The following CCDC13 variants were observed in gnomAD, a reference collection of about 807,000 sequenced individuals.
CCDC13 encodes coiled-coil domain containing 13, also known as coiled-coil domain-containing protein 13.
A neutral mutation model predicts 87.3 loss-of-function variants in CCDC13; 70 were observed. The ratio of observed to expected loss-of-function variants is 0.80; its 90% CI spans 0.66 to 0.98. CCDC13 has a LOEUF of 0.98. CCDC13 is among the 50% of genes least tolerant of loss of function. The pLI is 0.00. For synonymous variants in CCDC13, 317 were observed against 360.3 expected, an observed-to-expected ratio of 0.88 and a Z score of 1.36; for missense variants, 842 against 892.0, an observed-to-expected ratio of 0.94 and a Z score of 0.71.
At chr3:42,725,121 G>A (rs1325518792) in intron 13 of CCDC13, among the ~76,000 whole-genome samples, 1 of 152,122 alleles carries the variant, frequency 6.6e-6, no homozygotes, top group Non-Finnish European at 1.5e-5. Context: ...AAAACAAGGA[G>A]ATATTAGCAT....
intron 12 of CCDC13, among the ~76,000 whole-genome samples, chr3:42,732,233 C>T (rs114519401): frequency 6.6e-6 from 1 of 152,164 alleles, no homozygotes; most frequent in Non-Finnish European, 1.5e-5. Context: ...TGCTGTCCCC[C>T]ACTTTTCGGG....
At chr3:42,757,291 G>C in intron 2 of CCDC13, 77 bp from the exon 3 acceptor site, 1 of 1,403,846 alleles carries the variant, frequency 7.1e-7, no homozygotes, top group East Asian at 2.3e-5. Context: ...CCACTGCCTA[G>C]GTGGACAGAT....
chr3:42,738,233 T>C (rs1159249577), intron 9 of CCDC13, among the ~76,000 whole-genome samples: 3 of 152,188 alleles, frequency 2.0e-5, no homozygotes, highest in Admixed American at 2.0e-4. Flanking sequence ...ATGTGTGGTG[T>C]TATTTCTGAG....
rs1321173073 is a variant in CCDC13 at position 42,742,959 on chromosome 3, C to T, written c.924G>A (p.Ser308=). The T allele has an allele frequency of 6.8e-6, 11 of 1,614,002 alleles. No homozygotes were observed. Among genetic ancestry groups the T allele is most frequent in the African/African-American group, 4.0e-5 (3 of 74,920 alleles). ...TCCTCAGCAGGTTTTTCTCCTGTGC[C>T]GACAGCTTCCTTGGGTCTGGATAGA... The part of the protein sequence containing the change: ...LSVYPDPRKL[S]AQEKNLLRIR... Residue 308 remains serine, a synonymous_variant, in exon 8 of 16, where the codon TCG becomes TCA. Transcript: ENST00000310232.
At position 42,732,078 on chromosome 3, in the gene CCDC13, G is replaced by A. The variant is rs1322760563; in HGVS notation, c.1595+809C>T. 2.6e-5 allele frequency among the ~76,000 whole-genome samples: 4 copies of A among 152,184 alleles called. No individual in the cohort carries two copies. In the East Asian group the frequency reaches 7.7e-4, roughly 29 times the overall value. ...AGAGCCTCCCCAATCTCCCTGTGCT[G>A]TGACAAGACCTCCCACCCTAAGGAG... On this transcript the variant is annotated intron_variant, in intron 12 of 15. Coordinates refer to ENST00000310232, the MANE Select transcript of CCDC13 (RefSeq NM_144719.4).
chr3:42,722,742 G>C (rs1257692641), intron 13 of CCDC13, among the ~76,000 whole-genome samples: 1 of 150,756 alleles, frequency 6.6e-6, no homozygotes, highest in Non-Finnish European at 1.5e-5. Context: ...ACAACCAGCA[G>C]CCCTGGGGAC....
chr3:42,709,547 G>C, intron 15 of CCDC13, 137 bp downstream of exon 15: 1 of 719,198 alleles, frequency 1.4e-6, no homozygotes, highest in East Asian at 2.7e-5. Context: ...TGCAGGCCTA[G>C]AACCCAGGAC....
At chr3:42,723,807 T>C (rs1698620916) in intron 13 of CCDC13, among the ~76,000 whole-genome samples, 2 of 151,950 alleles carry the variant, frequency 1.3e-5, no homozygotes, top group South Asian at 4.1e-4. Context: ...AACCCATCAA[T>C]AGAAGAATGG....
chr3:42,733,484 C>T lies in CCDC13; in HGVS notation c.1497G>A (p.Arg499=). 1 of 1,614,150 alleles carries T rather than the reference C, an allele frequency of 6.2e-7. No homozygotes were observed. The highest frequency in any genetic ancestry group is 8.5e-7 in the Non-Finnish European group (1 of 1,180,018). Residue 499 remains arginine (R), a synonymous_variant, in exon 11 of 16, where the codon AGG becomes AGA. Transcript: ENST00000310232. The part of the protein sequence containing the change: ...SPASAGDHVG[R]LGSSRSVTSL... ...TGTTTTCTTACCGAGAAGATCCAAG[C>T]CTGCCAACATGATCGCCTGCTGAGG... is the stretch of plus-strand genomic sequence containing the variant.
chr3:42,730,145 C>A (rs1056938443), intron 13 of CCDC13, among the ~76,000 whole-genome samples: 3 of 152,194 alleles, frequency 2.0e-5, no homozygotes, highest in African/African-American at 7.2e-5. Flanking sequence ...CAGTGCCAGG[C>A]TCATCACAGA....
Position 42,739,544 on chromosome 3 carries a change from G to T in CCDC13, c.1164+90C>A, listed in dbSNP as rs148159635. The stretch of plus-strand genomic sequence containing the variant: ...GGGGTTACACAGGTGGCATTGAGGG[G>T]TGAGTGAGGGCTCACTCTGGCCATG... On this transcript the variant is annotated intron_variant, in intron 9 of 15. Coordinates refer to ENST00000310232, the MANE Select transcript of CCDC13 (RefSeq NM_144719.4). 7.2e-4 allele frequency: 1,000 copies of T among 1,388,446 alleles called. 4 individuals carry two copies. The African/African-American group carries it at 0.013, about 18-fold the overall frequency. The allele number at this position is 1,388,446 out of a possible 1,614,324, so 86.0% of individuals were successfully genotyped here. A position where few individuals can be genotyped will look rare whatever the true frequency, so the allele number is the denominator to read the frequency against.
chr3:42,749,055 G>A (rs959842870), intron 5 of CCDC13, among the ~76,000 whole-genome samples: 1 of 152,062 alleles, frequency 6.6e-6, no homozygotes, highest in East Asian at 1.9e-4. Flanking sequence ...CACCGTGCCC[G>A]GCCATCCTTT....
intron 10 of CCDC13, 105 bp downstream of exon 10, chr3:42,735,602 G>T (rs1360336392): frequency 1.7e-6 from 2 of 1,196,302 alleles, no homozygotes; most frequent in Non-Finnish European, 2.4e-6. Context: ...GAGCCAGGAA[G>T]GATGAAGTCT....
chr3:42,731,515 T>C (rs1249015382), intron 12 of CCDC13, among the ~76,000 whole-genome samples: 2 of 152,044 alleles, frequency 1.3e-5, no homozygotes, highest in Admixed American at 1.3e-4. Flanking sequence ...CCTAGCAGCT[T>C]GTTAGAAATG....
intron 13 of CCDC13, among the ~76,000 whole-genome samples, chr3:42,728,929 A>AC (rs11424307): frequency 0.2 from 29,842 of 152,036 alleles, 3,091 homozygotes; most frequent in South Asian, 0.28. Flanking sequence ...TGCTTGCCTC[A>AC]CCCAATCCTA....
chr3:42,752,513 G>C (rs1442918252), intron 4 of CCDC13, 62 bp downstream of exon 4: 1 of 1,602,056 alleles, frequency 6.2e-7, no homozygotes. Flanking sequence ...AGAAGCTAGG[G>C]AGGTTCCCTC....
chr3:42,735,962 G>T, intron 9 of CCDC13, 49 bp from the exon 10 acceptor site: 1 of 1,559,262 alleles, frequency 6.4e-7, no homozygotes, highest in Non-Finnish European at 8.7e-7. Flanking sequence ...GGCCCTTTGG[G>T]CCGGGGAGGA....
At chr3:42,724,498 T>C (rs963300144) in intron 13 of CCDC13, among the ~76,000 whole-genome samples, 7 of 152,204 alleles carry the variant, frequency 4.6e-5, no homozygotes, top group Non-Finnish European at 1.0e-4. Flanking sequence ...TTGCACACTT[T>C]GGTATTCTGA....
chr3:42,747,459 C>A lies in CCDC13; in HGVS notation c.604-86G>T, dbSNP rs781736692. The A allele has an allele frequency of 3.1e-5, 29 of 926,500 alleles. No homozygotes were observed. The Middle Eastern group carries it at 6.5e-4, about 21-fold the overall frequency. The allele number at this position is 926,500 out of a possible 1,614,324, so 57.4% of individuals were successfully genotyped here. A position where few individuals can be genotyped will look rare whatever the true frequency, so the allele number is the denominator to read the frequency against. On this transcript the variant is annotated intron_variant, in intron 5 of 15. Coordinates refer to ENST00000310232, the MANE Select transcript of CCDC13 (RefSeq NM_144719.4). ...TAGCCCCCATTTATCCAAGTCTGTG[C>A]CAGGCACTGTGCTAAGTGTTTGACA...
Sources: gnomAD v4.1 joint callset for allele counts (sites outside exome capture counted in the v4.1 genomes callset) on GRCh38, gnomAD v4.1.1 for gene constraint, MANE v1.5 for transcripts, NCBI Gene and HGNC (gene_info 2026-07-23, HGNC 2026-07-21) for gene names.